ZSWIM3: variants seen among roughly 807,000 people sequenced by gnomAD.
ZSWIM3 encodes zinc finger SWIM domain-containing protein 3.
A neutral mutation model predicts 47.5 loss-of-function variants in ZSWIM3; 27 were observed. The observed-to-expected ratio is 0.57, with a 90% CI of 0.42 to 0.78. The LOEUF (loss-of-function observed/expected upper bound fraction) is 0.78, where lower values mean the gene tolerates loss of function less well. ZSWIM3 is among the 30% of genes least tolerant of loss of function. ZSWIM3 has a pLI of 0.00. For synonymous variants in ZSWIM3, 333 were observed against 333.9 expected (o/e 1.00, Z 0.03); for missense variants, 689 against 861.3 (o/e 0.80, Z 2.50).
At chr20:45,861,602 TCTCGCTCTATTGCC>T (rs1384617689) in intron 1 of ZSWIM3, among the ~76,000 whole-genome samples, 2 of 152,130 alleles carry the variant, frequency 1.3e-5, no homozygotes. Context: ...GGAGACAAGG[TCTCGCTCTATTGCC>T]CAGGCTAGAG....
intron 1 of ZSWIM3, among the ~76,000 whole-genome samples, chr20:45,870,902 C>T (rs1985960694): frequency 6.6e-6 from 1 of 151,986 alleles, no homozygotes; most frequent in Non-Finnish European, 1.5e-5. Flanking sequence ...TCCATGTTGG[C>T]CAGGCTGGTC....
intron 1 of ZSWIM3, among the ~76,000 whole-genome samples, chr20:45,868,453 T>C (rs1985895007): frequency 6.6e-6 from 1 of 151,904 alleles, no homozygotes; most frequent in Non-Finnish European, 1.5e-5. Flanking sequence ...CTTGCTCTCC[T>C]GTCCAGGCCG....
Position 45,857,768 on chromosome 20 carries a change from T to C in ZSWIM3, c.-58T>C. On this transcript the variant is annotated 5_prime_UTR_variant, in exon 1 of 2. Coordinates refer to ENST00000255152, the MANE Select transcript of ZSWIM3 (RefSeq NM_080752.4). ...CCCTCATAGTGTGACCTTTGACCCC[T>C]GGTGTGATCTTGGGCCCGGGCTGGG... is the stretch of plus-strand genomic sequence containing the variant. 2 of 1,591,484 alleles carry C rather than the reference T, an allele frequency of 1.3e-6. No individual in the cohort carries two copies. Among genetic ancestry groups the C allele is most frequent in the South Asian group, 2.2e-5 (2 of 89,200 alleles).
At position 45,876,975 on chromosome 20, in the gene ZSWIM3, C is replaced by A; in HGVS notation, c.417C>A (p.Asp139Glu). The change falls in exon 2 of 2, where the codon GAC becomes GAA. Residue 139 changes from aspartate (D) to glutamate (E), a missense_variant. By Grantham distance (45) the Asp-to-Glu change is conservative. Coordinates refer to ENST00000255152, the MANE Select transcript of ZSWIM3 (RefSeq NM_080752.4). ...AGCCCACAACCAAAAAAGACCTTGA[C>A]ACTGCCGAGAAGTCCCTGGTTGAGC... ...PVQPTTKKDL[D>E]TAEKSLVEPS... 6.2e-7 allele frequency: 1 copy of A among 1,614,176 alleles called. No individual in the cohort carries two copies. Among genetic ancestry groups the A allele is most frequent in the Non-Finnish European group, 8.5e-7 (1 of 1,180,048 alleles).
At chr20:45,865,992 C>CAAAAAAA (rs377544841) in intron 1 of ZSWIM3, among the ~76,000 whole-genome samples, 2 of 98,736 alleles carry the variant, frequency 2.0e-5, no homozygotes, top group Admixed American at 1.1e-4. Flanking sequence ...GACTCTGTCT[C>CAAAAAAA]AAAAAAAAAA....
chr20:45,872,632 T>C, intron 1 of ZSWIM3: 1 of 1,047,632 alleles, frequency 9.5e-7, no homozygotes, highest in South Asian at 1.5e-5. Flanking sequence ...AGACAGAGCA[T>C]GGTGAACACA....
In ZSWIM3 at chr20:45,857,676, G is replaced by T. The variant is rs1329517881; in HGVS notation, c.-150G>T. ...GGTCAGGCCTAGGGTTCCTCCCTGAGTTCCAGAATAGGCCACCCAGTTGGG... is the reference window on the plus strand; with the variant it reads ...GGTCAGGCCTAGGGTTCCTCCCTGATTTCCAGAATAGGCCACCCAGTTGGG... On this transcript the variant is annotated 5_prime_UTR_variant, in exon 1 of 2. Coordinates refer to ENST00000255152, the MANE Select transcript of ZSWIM3 (RefSeq NM_080752.4). The T allele has an allele frequency of 4.9e-5, 47 of 952,614 alleles. No homozygotes were observed. Among genetic ancestry groups the T allele is most frequent in the Non-Finnish European group, 6.7e-5 (42 of 627,610 alleles). 59.0% of individuals were successfully genotyped at this position (952,614 alleles called of 1,614,324 possible).
intron 1 of ZSWIM3, among the ~76,000 whole-genome samples, chr20:45,861,442 A>AT (rs1181509623): frequency 2.1e-5 from 3 of 145,430 alleles, no homozygotes; most frequent in Non-Finnish European, 4.5e-5. Flanking sequence ...AAAAAAAAAA[A>AT]GCAAGCAGTG....
chr20:45,878,929 C>T lies in ZSWIM3; in HGVS notation c.*280C>T. 1 of 393,244 alleles carries T rather than the reference C, an allele frequency of 2.5e-6. No individual in the cohort carries two copies. Among genetic ancestry groups the T allele is most frequent in the East Asian group, 4.7e-5 (1 of 21,184 alleles). 24.4% of individuals were successfully genotyped at this position (393,244 alleles called of 1,614,324 possible). A position where few individuals can be genotyped will look rare whatever the true frequency, so the allele number is the denominator to read the frequency against. ...GGTCACCCTCTTCCTCCCCCAGCCC[C>T]TGAGATCAGATCTTATTTGCTCTGC... On this transcript the variant is annotated 3_prime_UTR_variant, in exon 2 of 2. Transcript: ENST00000255152.
At position 45,877,859 on chromosome 20, in the gene ZSWIM3, T is replaced by G; in HGVS notation, c.1301T>G (p.Leu434Trp). The change falls in exon 2 of 2, where the codon TTG (leucine) becomes TGG (tryptophan). Residue 434 changes from leucine to tryptophan, a missense_variant. By Grantham distance (61) the Leu-to-Trp change is moderately conservative. Transcript: ENST00000255152. ...DFFNTKGLKN[L>W]PTPPPKLKRA... ...TTTAATACCAAAGGCTTGAAGAACTTGCCCACACCTCCTCCCAAATTAAAG... is the reference window on the plus strand; with the variant it reads ...TTTAATACCAAAGGCTTGAAGAACTGGCCCACACCTCCTCCCAAATTAAAG... 1.2e-6 allele frequency: 2 copies of G among 1,614,180 alleles called. No individual in the cohort carries two copies. The highest frequency in any genetic ancestry group is 2.2e-5 in the East Asian group (1 of 44,882).
chr20:45,878,406 C>T lies in ZSWIM3; in HGVS notation c.1848C>T (p.Asn616=), dbSNP rs754428062. 1.9e-5 allele frequency: 30 copies of T among 1,614,100 alleles called. No individual in the cohort carries two copies. The highest frequency in any genetic ancestry group is 4.5e-5 in the East Asian group (2 of 44,904). Reference sequence around the variant, plus strand: ...GCCAGCCTGAGAAGCAAGGACGGAACGACATGATTCAGGACCTAAGCAGGG... The same window carrying T: ...GCCAGCCTGAGAAGCAAGGACGGAATGACATGATTCAGGACCTAAGCAGGG... ...NTGQPEKQGR[N]DMIQDLSREL... is the part of the protein sequence containing the mutation. Residue 616 remains asparagine, a synonymous_variant, in exon 2 of 2, where the codon AAC becomes AAT. Transcript: ENST00000255152.
chr20:45,867,415 T>TTTTGTGATTGGCTGTTATACATTAACA (rs1985873827), intron 1 of ZSWIM3, among the ~76,000 whole-genome samples: 1 of 152,174 alleles, frequency 6.6e-6, no homozygotes, highest in African/African-American at 2.4e-5. Flanking sequence ...TTTTGACCTT[T>TTTTGTGATTGGCTGTTATACATTAACA]TTTGTGATTG....
At chr20:45,867,422 A>G (rs73293211) in intron 1 of ZSWIM3, among the ~76,000 whole-genome samples, 1,941 of 152,242 alleles carry the variant, frequency 0.013, 46 homozygotes, top group African/African-American at 0.044. Context: ...CTTTTTTGTG[A>G]TTGGCTGTTA....
chr20:45,873,792 T>C (rs1369646751), intron 1 of ZSWIM3, among the ~76,000 whole-genome samples: 1 of 152,224 alleles, frequency 6.6e-6, no homozygotes, highest in Non-Finnish European at 1.5e-5. Context: ...TCATTAGATA[T>C]AGTGCTACCC....
intron 1 of ZSWIM3, among the ~76,000 whole-genome samples, chr20:45,862,140 G>A (rs973243420): frequency 6.7e-6 from 1 of 149,012 alleles, no homozygotes. Context: ...TTAGCTTTTG[G>A]TTTTTTTTGG....
At chr20:45,871,607 T>A (rs1034010578) in intron 1 of ZSWIM3, among the ~76,000 whole-genome samples, 6 of 151,740 alleles carry the variant, frequency 4.0e-5, no homozygotes, top group Admixed American at 6.6e-5. Flanking sequence ...ACTGTACAAG[T>A]TGTTCAAAAG....
At chr20:45,859,064 G>T (rs114824383) in intron 1 of ZSWIM3, among the ~76,000 whole-genome samples, 2 of 152,122 alleles carry the variant, frequency 1.3e-5, no homozygotes, top group South Asian at 2.1e-4. Context: ...CCAGCTGATG[G>T]CTGCCATATG....
rs75178512 is a variant in ZSWIM3 at position 45,867,501 on chromosome 20, T to C, written c.156-9213T>C. 1.4e-4 allele frequency among the ~76,000 whole-genome samples: 22 copies of C among 152,336 alleles called. 1 individual carries two copies. The East Asian group carries it at 2.3e-3, about 16-fold the overall frequency. On this transcript the variant is annotated intron_variant, in intron 1 of 1. Transcript: ENST00000255152. The stretch of plus-strand genomic sequence containing the variant: ...TTTTGTCTATAGTTGATTCCTTTAA[T>C]TTTACTGAATTATGCTGACAAGGAT...
chr20:45,857,700 GGGC>G lies in ZSWIM3; in HGVS notation c.-123_-121del. The G allele has an allele frequency of 8.3e-7, 1 of 1,202,602 alleles. No homozygotes were observed. Among genetic ancestry groups the G allele is most frequent in the Admixed American group, 2.3e-5 (1 of 44,000 alleles). 74.5% of individuals were successfully genotyped at this position (1,202,602 alleles called of 1,614,324 possible). A position where few individuals can be genotyped will look rare whatever the true frequency, so the allele number is the denominator to read the frequency against. ...AGTTCCAGAATAGGCCACCCAGTTG[GGGC>G]GGACCCTTAAGGCATTCTGGGCCCA... On this transcript the variant is annotated 5_prime_UTR_variant, in exon 1 of 2. Coordinates refer to ENST00000255152, the MANE Select transcript of ZSWIM3 (RefSeq NM_080752.4).
Sources: allele counts gnomAD v4.1 joint callset (sites outside exome capture counted in the v4.1 genomes callset), GRCh38; gene constraint gnomAD v4.1.1; transcripts MANE v1.5; gene names NCBI Gene and HGNC (gene_info 2026-07-23, HGNC 2026-07-21).